ESR2: variants seen among roughly 807,000 people sequenced by gnomAD.
ESR2 encodes the protein estrogen receptor beta.
ESR2 carries 36 observed loss-of-function variants against 49.6 expected under a neutral mutation model. The observed-to-expected ratio is 0.73, with a 90% confidence interval of 0.56 to 0.96. The LOEUF (loss-of-function observed/expected upper bound fraction) is 0.96. Among genes scored for constraint, ESR2 ranks in the 40% least tolerant of loss-of-function variants. The pLI is 0.00. For synonymous variants in ESR2, 320 were observed against 266.1 expected, an observed-to-expected ratio of 1.20 and a Z score of -1.97; for missense variants, 714 against 693.0, an observed-to-expected ratio of 1.03 and a Z score of -0.34.
intron 1 of ESR2, among the ~76,000 whole-genome samples, chr14:64,291,630 G>A (rs1423837981): frequency 2.0e-5 from 3 of 152,154 alleles, no homozygotes; most frequent in Non-Finnish European, 2.9e-5. Flanking sequence ...AAAAATATTA[G>A]TTTACAAAAG....
intron 4 of ESR2, among the ~76,000 whole-genome samples, chr14:64,266,973 C>T (rs1235626114): frequency 6.6e-6 from 1 of 152,212 alleles, no homozygotes; most frequent in Non-Finnish European, 1.5e-5. Flanking sequence ...CTCCACCTCC[C>T]AGGTTCAAAC....
In ESR2 at chr14:64,249,532, G is replaced by T. The variant is rs781583718; in HGVS notation, c.1225+14C>A. 1 of 1,612,778 alleles carries T rather than the reference G, an allele frequency of 6.2e-7. No homozygotes were observed. Among genetic ancestry groups the T allele is most frequent in the Non-Finnish European group, 8.5e-7 (1 of 1,179,462 alleles). On this transcript the variant is annotated intron_variant, in intron 7 of 8. Coordinates refer to ENST00000341099, the MANE Select transcript of ESR2 (RefSeq NM_001437.3). ...CTCCCCGATAAAACATGGCCCAGCT[G>T]TGTGATTACTTACTGGAATTGAGCA...
chr14:64,231,703 CAT>C lies in ESR2; in HGVS notation c.*1432_*1433del, dbSNP rs1218877624. 1 of 152,170 alleles carries C rather than the reference CAT, an allele frequency of 6.6e-6. No individual in the cohort carries two copies. Among genetic ancestry groups the C allele is most frequent in the African/African-American group, 2.4e-5 (1 of 41,436 alleles). The allele number at this position is 152,170 out of a possible 1,614,324, so 9.4% of individuals were successfully genotyped here. A position where few individuals can be genotyped will look rare whatever the true frequency, so the allele number is the denominator to read the frequency against. ...TTCAAAAAGAAAATATATTTAATAT[CAT>C]ATCACAAGGTAATTGTTTAAAACGT... On this transcript the variant is annotated 3_prime_UTR_variant, in exon 9 of 9. Coordinates refer to ENST00000341099, the MANE Select transcript of ESR2 (RefSeq NM_001437.3).
intron 5 of ESR2, 107 bp from the exon 6 acceptor site, chr14:64,257,471 T>C: frequency 7.3e-7 from 1 of 1,365,254 alleles, no homozygotes; most frequent in Non-Finnish European, 1.0e-6. Context: ...ACACAAACCA[T>C]TAGGGAGTTG....
At chr14:64,325,980 A>AATTTTTTTT (rs564056972) in intron 1 of ESR2, among the ~76,000 whole-genome samples, 1 of 144,150 alleles carries the variant, frequency 6.9e-6, no homozygotes, top group African/African-American at 2.5e-5. Flanking sequence ...TTATACACAG[A>AATTTTTTTT]TTTTTTTTTT....
At chr14:64,246,463 T>C (rs1301358561) in intron 7 of ESR2, among the ~76,000 whole-genome samples, 2 of 152,096 alleles carry the variant, frequency 1.3e-5, no homozygotes, top group South Asian at 4.1e-4. Context: ...TCCCCAGCCA[T>C]ACTGAACTGT....
chr14:64,307,992 C>T (rs1267297312), intron 1 of ESR2, among the ~76,000 whole-genome samples: 2 of 151,994 alleles, frequency 1.3e-5, no homozygotes, highest in East Asian at 1.9e-4. Context: ...TTTCTAATTT[C>T]GTTTTTTGTT....
chr14:64,270,601 C>G (rs1189654497), intron 3 of ESR2, among the ~76,000 whole-genome samples: 2 of 152,142 alleles, frequency 1.3e-5, no homozygotes, highest in Admixed American at 6.5e-5. Flanking sequence ...ACCTCTGCCC[C>G]CCGGGTTCAA....
chr14:64,290,879 T>C lies in ESR2; in HGVS notation c.-91+3154A>G, dbSNP rs550037251. ...TCCTTCTAAAATGAGGAAAAGCTAA[T>C]TCTCCTAGTAACCAATTGGCGCTTA... On this transcript the variant is annotated intron_variant, in intron 1 of 8. Transcript: ENST00000341099. 2.4e-3 allele frequency among the ~76,000 whole-genome samples: 370 copies of C among 152,318 alleles called. 1 individual carries two copies. Among genetic ancestry groups the C allele is most frequent in the Non-Finnish European group, 4.6e-3 (315 of 68,026 alleles).
At chr14:64,326,779 G>A (rs1041132042) in intron 1 of ESR2, among the ~76,000 whole-genome samples, 3 of 152,190 alleles carry the variant, frequency 2.0e-5, no homozygotes, top group African/African-American at 7.2e-5. Flanking sequence ...TCAGCTTTCA[G>A]CTTTCTCACA....
At chr14:64,257,984 A>G (rs2076138667) in intron 5 of ESR2, among the ~76,000 whole-genome samples, 1 of 152,184 alleles carries the variant, frequency 6.6e-6, no homozygotes, top group Non-Finnish European at 1.5e-5. Flanking sequence ...TGGGAGGTCA[A>G]GGTGGGTGGA....
At chr14:64,294,962 G>A (rs1475050105), upstream of ESR2, among the ~76,000 whole-genome samples, 18 of 152,182 alleles carry the variant, frequency 1.2e-4, no homozygotes, top group Non-Finnish European at 2.9e-5. Context: ...CTGTGCCTCC[G>A]GCCACGGCGC....
At chr14:64,233,976 T>G (rs530264666) in intron 8 of ESR2, 2 of 152,512 alleles carry the variant, frequency 1.3e-5, no homozygotes, top group South Asian at 4.1e-4. Context: ...GGACACTTGT[T>G]GACAGTATGA....
At position 64,246,734 on chromosome 14, in the gene ESR2, C is replaced by CAAAAAAAAA. The variant is rs71123836; in HGVS notation, c.1225+2803_1225+2811dup. On this transcript the variant is annotated intron_variant, in intron 7 of 8. Coordinates refer to ENST00000341099, the MANE Select transcript of ESR2 (RefSeq NM_001437.3). The stretch of plus-strand genomic sequence containing the variant: ...CCTGGCCAACACAGGAAGACTCTGT[C>CAAAAAAAAA]AAAAAAAAAAAAAAAAAAAAAAAAA... Among the ~76,000 whole-genome samples, 32 of 36,448 alleles carry CAAAAAAAAA rather than the reference C, an allele frequency of 8.8e-4. 3 individuals are homozygous for CAAAAAAAAA. Among genetic ancestry groups the CAAAAAAAAA allele is most frequent in the African/African-American group, 2.7e-3 (21 of 7,856 alleles). 23.9% of individuals were successfully genotyped at this position (36,448 alleles called of 152,430 possible).
intron 4 of ESR2, among the ~76,000 whole-genome samples, chr14:64,264,611 G>A (rs2140745094): frequency 6.6e-6 from 1 of 152,178 alleles, no homozygotes. Flanking sequence ...GCTCATGCCT[G>A]TAATCCCCCA....
intron 2 of ESR2, among the ~76,000 whole-genome samples, chr14:64,281,110 G>GGA (rs1325470934): frequency 6.6e-6 from 1 of 152,088 alleles, no homozygotes; most frequent in Non-Finnish European, 1.5e-5. Context: ...GAAGAGAAAG[G>GGA]GAGAGAGAAA....
downstream of ESR2, chr14:64,228,055 T>A (rs1356296758): frequency 7.1e-7 from 1 of 1,401,646 alleles, no homozygotes; most frequent in Non-Finnish European, 9.2e-7. Flanking sequence ...CCTGTGGTCA[T>A]AAATCAATCA....
At chr14:64,266,237 A>G (rs1400112622) in intron 4 of ESR2, among the ~76,000 whole-genome samples, 1 of 151,794 alleles carries the variant, frequency 6.6e-6, no homozygotes, top group Non-Finnish European at 1.5e-5. Flanking sequence ...ATGGAAGGAA[A>G]ACTAAAATTG....
At chr14:64,323,006 T>G (rs2077343237) in intron 1 of ESR2, among the ~76,000 whole-genome samples, 2 of 152,288 alleles carry the variant, frequency 1.3e-5, no homozygotes, top group Admixed American at 1.3e-4. Flanking sequence ...CACTACTAAG[T>G]AGAGGAAGTT....
Sources: allele counts gnomAD v4.1 joint callset (sites outside exome capture counted in the v4.1 genomes callset), GRCh38; gene constraint gnomAD v4.1.1; transcripts MANE v1.5; gene names NCBI Gene and HGNC (gene_info 2026-07-23, HGNC 2026-07-21).